SEZ6L: variants seen among roughly 807,000 people sequenced by gnomAD.
SEZ6L encodes seizure related 6 homolog like, also known as seizure 6-like protein.
SEZ6L carries 37 observed loss-of-function variants against 106.2 expected under a neutral mutation model. The ratio of observed to expected loss-of-function variants is 0.35; its 90% CI spans 0.27 to 0.46. The LOEUF is 0.46. Among genes scored for constraint, SEZ6L ranks in the 20% least tolerant of loss-of-function variants. SEZ6L has a pLI of 1.00. For missense variants in SEZ6L, 1,172 were observed against 1,332.8 expected, an observed-to-expected ratio of 0.88 and a Z score of 1.88; for synonymous variants, 541 against 570.4, an observed-to-expected ratio of 0.95 and a Z score of 0.73.
chr22:26,252,568 CT>C (rs1420288398), intron 1 of SEZ6L, among the ~76,000 whole-genome samples: 1 of 152,162 alleles, frequency 6.6e-6, no homozygotes, highest in Non-Finnish European at 1.5e-5. Flanking sequence ...TCTTGTCCCC[CT>C]CCCTCACTCC....
intron 1 of SEZ6L, among the ~76,000 whole-genome samples, chr22:26,217,282 C>T (rs1488888820): frequency 2.0e-5 from 3 of 152,150 alleles, no homozygotes; most frequent in African/African-American, 4.8e-5. Flanking sequence ...CCCTTGAAAC[C>T]AAACCCAGAC....
At chr22:26,260,321 T>A (rs1023085205) in intron 1 of SEZ6L, among the ~76,000 whole-genome samples, 5 of 152,300 alleles carry the variant, frequency 3.3e-5, no homozygotes, top group African/African-American at 9.6e-5. Context: ...CTGAAGTCTA[T>A]GGTATCATTC....
intron 12 of SEZ6L, among the ~76,000 whole-genome samples, chr22:26,351,950 A>G (rs2083296123): frequency 6.6e-6 from 1 of 152,018 alleles, no homozygotes; most frequent in Non-Finnish European, 1.5e-5. Context: ...CTCGAGCCCA[A>G]GAGTTTGAGA....
At chr22:26,223,832 G>A (rs781038643) in intron 1 of SEZ6L, among the ~76,000 whole-genome samples, 8 of 152,220 alleles carry the variant, frequency 5.3e-5, no homozygotes, top group East Asian at 3.9e-4. Flanking sequence ...TAAGGCCCCC[G>A]GATAGGGAGA....
At chr22:26,171,089 A>G (rs560078445) in intron 1 of SEZ6L, among the ~76,000 whole-genome samples, 92 of 152,220 alleles carry the variant, frequency 6.0e-4, no homozygotes, top group Admixed American at 2.1e-3. Context: ...CAGGCATTTT[A>G]TCCCCCATCT....
At chr22:26,226,748 C>T (rs149910985) in intron 1 of SEZ6L, among the ~76,000 whole-genome samples, 1 of 152,204 alleles carries the variant, frequency 6.6e-6, no homozygotes, top group Non-Finnish European at 1.5e-5. Flanking sequence ...GTGACACCAT[C>T]TGGCCAATGG....
At chr22:26,369,543 T>C (rs1009833187) in intron 13 of SEZ6L, among the ~76,000 whole-genome samples, 2 of 151,430 alleles carry the variant, frequency 1.3e-5, no homozygotes, top group East Asian at 3.9e-4. Context: ...GTTTTCACCG[T>C]GTTAGCCAGG....
At chr22:26,358,682 G>A (rs1015476842) in intron 12 of SEZ6L, among the ~76,000 whole-genome samples, 3 of 152,116 alleles carry the variant, frequency 2.0e-5, no homozygotes, top group Non-Finnish European at 2.9e-5. Flanking sequence ...GGGAGAGAAC[G>A]GCTGGAGTTA....
At chr22:26,293,340 G>C (rs957102273) in intron 2 of SEZ6L, among the ~76,000 whole-genome samples, 194 bp downstream of exon 2, 2 of 152,218 alleles carry the variant, frequency 1.3e-5, no homozygotes, top group African/African-American at 2.4e-5. Context: ...GTTTTGGGGG[G>C]TTGTTTTAGC....
At chr22:26,348,694 G>GC (rs2083143916) in intron 11 of SEZ6L, among the ~76,000 whole-genome samples, 6 of 90,230 alleles carry the variant, frequency 6.6e-5, no homozygotes, top group African/African-American at 2.7e-4. Context: ...AAGAAAGAAA[G>GC]AAAGAAAGAA....
At chr22:26,278,609 G>A (rs1244699787) in intron 1 of SEZ6L, among the ~76,000 whole-genome samples, 2 of 152,162 alleles carry the variant, frequency 1.3e-5, no homozygotes, top group Non-Finnish European at 2.9e-5. Context: ...TTGCTGCAAA[G>A]GACATGATTT....
At chr22:26,272,114 A>G (rs1569434872) in intron 1 of SEZ6L, among the ~76,000 whole-genome samples, 1 of 152,258 alleles carries the variant, frequency 6.6e-6, no homozygotes, top group Non-Finnish European at 1.5e-5. Context: ...ATGAATTCTC[A>G]GTAGTCAGAA....
rs910163260 is a variant in SEZ6L, at chr22:26,254,467, T to C, written c.95-37939T>C. On this transcript the variant is annotated intron_variant, in intron 1 of 16. Coordinates refer to ENST00000248933, the MANE Select transcript of SEZ6L (RefSeq NM_021115.5). ...AAAAATGTCAAACAAAATGAACACA[T>C]GTAGGCCAGCTGCAGTGGCTCATGC... 4.6e-5 allele frequency among the ~76,000 whole-genome samples: 7 copies of C among 152,030 alleles called. No individual in the cohort carries two copies. In the East Asian group the frequency reaches 9.7e-4, roughly 21 times the overall value.
rs74973619 is a variant in SEZ6L at position 26,303,524 on chromosome 22, G to A, written c.1349-2455G>A. ...AGACAGACAGTGGAGTAGTGACTTC[G>A]ATAAGAGATACTGGAGTGAGGCAGC... On this transcript the variant is annotated intron_variant, in intron 5 of 16. Coordinates refer to ENST00000248933, the MANE Select transcript of SEZ6L (RefSeq NM_021115.5). Among the ~76,000 whole-genome samples, 541 of 152,324 alleles carry A rather than the reference G, an allele frequency of 3.6e-3. 5 individuals are homozygous for A. The highest frequency in any genetic ancestry group is 0.012 in the African/African-American group (512 of 41,580).
intron 9 of SEZ6L, among the ~76,000 whole-genome samples, chr22:26,318,767 T>C: frequency 6.6e-6 from 1 of 152,198 alleles, no homozygotes; most frequent in African/African-American, 2.4e-5. Flanking sequence ...TATCTACTTA[T>C]AGGGAGATAT....
chr22:26,269,575 C>T (rs886204198), intron 1 of SEZ6L, among the ~76,000 whole-genome samples: 4 of 152,224 alleles, frequency 2.6e-5, no homozygotes, highest in South Asian at 2.1e-4. Flanking sequence ...CACCAGCTCC[C>T]GTCCTTGCCT....
At chr22:26,369,075 T>A (rs897694006) in intron 13 of SEZ6L, among the ~76,000 whole-genome samples, 36 of 152,088 alleles carry the variant, frequency 2.4e-4, no homozygotes, top group African/African-American at 8.2e-4. Flanking sequence ...GGAATAAGCC[T>A]TTTAACAAGC....
At chr22:26,294,858 CT>C (rs1475759009) in intron 3 of SEZ6L, among the ~76,000 whole-genome samples, 1 of 143,582 alleles carries the variant, frequency 7.0e-6, no homozygotes, top group Non-Finnish European at 1.5e-5. Context: ...TGCTTTCTTG[CT>C]TCTTTCTCTT....
At chr22:26,202,097 G>T (rs574956687) in intron 1 of SEZ6L, among the ~76,000 whole-genome samples, 1 of 152,106 alleles carries the variant, frequency 6.6e-6, no homozygotes, top group Admixed American at 6.5e-5. Flanking sequence ...TGTATTTTTA[G>T]TAGAGACGGG....
Sources: gnomAD v4.1 joint callset for allele counts (sites outside exome capture counted in the v4.1 genomes callset) on GRCh38, gnomAD v4.1.1 for gene constraint, MANE v1.5 for transcripts, NCBI Gene and HGNC (gene_info 2026-07-23, HGNC 2026-07-21) for gene names.